ZNF385D: variants seen among roughly 807,000 people sequenced by gnomAD.
ZNF385D encodes zinc finger protein 659.
Under a neutral mutation model 35.8 loss-of-function variants are expected in ZNF385D, and 15 were observed. The ratio of observed to expected loss-of-function variants is 0.42; its 90% CI spans 0.28 to 0.64. The LOEUF (loss-of-function observed/expected upper bound fraction) is 0.64, where lower values mean the gene tolerates loss of function less well. Among genes scored for constraint, ZNF385D ranks in the 30% least tolerant of loss-of-function variants. The pLI is 0.23. For missense variants in ZNF385D, 474 were observed against 494.6 expected, an observed-to-expected ratio of 0.96 and a Z score of 0.39; for synonymous variants, 212 against 186.8, an observed-to-expected ratio of 1.13 and a Z score of -1.10.
At chr3:21,511,238 T>A (rs1233372033) in intron 3 of ZNF385D, among the ~76,000 whole-genome samples, 1 of 152,078 alleles carries the variant, frequency 6.6e-6, no homozygotes, top group Non-Finnish European at 1.5e-5. Flanking sequence ...TACTCTGTTG[T>A]TTATCTTAAG....
chr3:21,542,823 C>T (rs993916149), intron 3 of ZNF385D: 16 of 152,124 alleles, frequency 1.1e-4, no homozygotes, highest in African/African-American at 3.9e-4. Context: ...ACTTGTTTCC[C>T]TTTTTTTCTT....
chr3:21,903,305 G>A (rs980622103), intron 3 of ZNF385D, among the ~76,000 whole-genome samples: 1 of 152,156 alleles, frequency 6.6e-6, no homozygotes, highest in Admixed American at 6.6e-5. Context: ...AGATGAGTAT[G>A]AGGAGACTTA....
At chr3:21,557,676 A>G (rs1431084529) in intron 3 of ZNF385D, among the ~76,000 whole-genome samples, 3 of 152,138 alleles carry the variant, frequency 2.0e-5, no homozygotes. Flanking sequence ...CTGGCCTCAT[A>G]AAATAAGTTA....
At chr3:21,640,272 T>C (rs1440060727) in intron 2 of ZNF385D, among the ~76,000 whole-genome samples, 1 of 152,070 alleles carries the variant, frequency 6.6e-6, no homozygotes, top group Non-Finnish European at 1.5e-5. Context: ...TTTTTTCCAC[T>C]TTTTGATTGA....
At chr3:22,066,461 C>CGTGTGTGTGTGTGTGTGTGTGTGTGT (rs10627614) in intron 3 of ZNF385D, among the ~76,000 whole-genome samples, 5 of 98,112 alleles carry the variant, frequency 5.1e-5, no homozygotes, top group Non-Finnish European at 9.9e-5. Context: ...GATGGTTCCC[C>CGTGTGTGTGTGTGTGTGTGTGTGTGT]GTGTGTGTGT....
intron 3 of ZNF385D, among the ~76,000 whole-genome samples, chr3:21,877,324 T>C (rs1698032157): frequency 6.6e-6 from 1 of 151,992 alleles, no homozygotes; most frequent in Non-Finnish European, 1.5e-5. Flanking sequence ...AAAAGCACAG[T>C]GGCCTGGAAT....
At chr3:21,455,517 A>G (rs1702746308) in intron 4 of ZNF385D, among the ~76,000 whole-genome samples, 1 of 152,236 alleles carries the variant, frequency 6.6e-6, no homozygotes, top group South Asian at 2.1e-4. Context: ...TGGTGCTGGG[A>G]AAACTGGCTA....
chr3:22,086,765 G>A (rs1701067456), intron 3 of ZNF385D, among the ~76,000 whole-genome samples: 3 of 152,146 alleles, frequency 2.0e-5, no homozygotes, highest in South Asian at 2.1e-4. Context: ...AAAAATGGAT[G>A]AGTTCATGTC....
chr3:22,263,917 A>T lies in ZNF385D; in HGVS notation c.107-94882T>A, dbSNP rs149962947. On this transcript the variant is annotated intron_variant, in intron 2 of 5. Transcript: ENST00000494108. ...GACAAAAAAGTCAATAGTGTCAAGG[A>T]TGATAAATTCTGCCTTAAAAGGTTA... Among the ~76,000 whole-genome samples, 499 of 152,156 alleles carry T rather than the reference A, an allele frequency of 3.3e-3. 8 individuals carry two copies. The highest frequency in any genetic ancestry group is 0.011 in the African/African-American group (467 of 41,552).
chr3:21,911,641 A>G (rs533412671), intron 3 of ZNF385D, among the ~76,000 whole-genome samples: 137 of 152,042 alleles, frequency 9.0e-4, no homozygotes, highest in African/African-American at 3.3e-3. Context: ...ATTGAGAAAT[A>G]GTAGCTATAT....
chr3:21,836,553 A>G (rs1025376575), intron 3 of ZNF385D, among the ~76,000 whole-genome samples: 2 of 152,042 alleles, frequency 1.3e-5, no homozygotes, highest in Non-Finnish European at 2.9e-5. Flanking sequence ...AAGTTGCCAA[A>G]CTTTTTCTGT....
intron 3 of ZNF385D, among the ~76,000 whole-genome samples, chr3:22,150,096 T>C (rs115093521): frequency 0.013 from 2,054 of 152,314 alleles, 21 homozygotes; most frequent in South Asian, 0.034. Flanking sequence ...TGCATTTGCT[T>C]TTCCCAAGAA....
intron 2 of ZNF385D, among the ~76,000 whole-genome samples, chr3:22,178,883 T>A (rs1401338206): frequency 1.3e-5 from 2 of 152,218 alleles, no homozygotes; most frequent in African/African-American, 4.8e-5. Context: ...TTGTCAAAGA[T>A]CAGATAGTTG....
intron 2 of ZNF385D, among the ~76,000 whole-genome samples, chr3:22,301,341 GAAC>G (rs1413963897): frequency 6.6e-6 from 1 of 151,904 alleles, no homozygotes; most frequent in African/African-American, 2.4e-5. Flanking sequence ...AGTTACATAA[GAAC>G]AATAAGTCCA....
intron 3 of ZNF385D, among the ~76,000 whole-genome samples, chr3:22,094,410 A>ATATATATAT (rs1386186822): frequency 1.1e-4 from 9 of 83,406 alleles, no homozygotes; most frequent in Non-Finnish European, 1.7e-4. Context: ...ATATATATAT[A>ATATATATAT]AAGGCATTTG....
chr3:22,041,813 G>A (rs767663626), intron 3 of ZNF385D, among the ~76,000 whole-genome samples: 1 of 151,962 alleles, frequency 6.6e-6, no homozygotes, highest in Non-Finnish European at 1.5e-5. Flanking sequence ...TAAAACTTAA[G>A]GAATGGTTGA....
chr3:21,724,369 G>A (rs555548443), intron 1 of ZNF385D, among the ~76,000 whole-genome samples: 1 of 151,132 alleles, frequency 6.6e-6, no homozygotes, highest in Admixed American at 6.6e-5. Context: ...ATTGCATAGA[G>A]TCAAGACCCA....
At position 21,598,374 on chromosome 3, in the gene ZNF385D, A is replaced by G. The variant is rs190704019; in HGVS notation, c.166-33690T>C. The stretch of plus-strand genomic sequence containing the variant: ...CCTAATGAGTGAAAAATCCACAGTA[A>G]TAATTTTAGAAAACATAGAAGCATT... On this transcript the variant is annotated intron_variant, in intron 2 of 7. Coordinates refer to ENST00000281523, the MANE Select transcript of ZNF385D (RefSeq NM_024697.3). Among the ~76,000 whole-genome samples the G allele has an allele frequency of 4.6e-5, 7 of 152,116 alleles. 1 individual carries two copies. The highest frequency in any genetic ancestry group is 1.7e-4 in the African/African-American group (7 of 41,372).
At chr3:22,057,287 G>A (rs528164122) in intron 3 of ZNF385D, among the ~76,000 whole-genome samples, 55 of 152,206 alleles carry the variant, frequency 3.6e-4, no homozygotes, top group Middle Eastern at 6.8e-3. Context: ...ATACCTCATA[G>A]GTTATAAGCA....
Sources: gnomAD v4.1 joint callset for allele counts (sites outside exome capture counted in the v4.1 genomes callset) on GRCh38, gnomAD v4.1.1 for gene constraint, MANE v1.5 for transcripts, NCBI Gene and HGNC (gene_info 2026-07-23, HGNC 2026-07-21) for gene names.